Variants in BRD10 observed in about 807,000 individuals in gnomAD.
BRD10 encodes uncharacterized bromodomain-containing protein 10.
the BRD10 span, chr9:5,969,031 A>G: frequency 6.2e-7 from 1 of 1,611,868 alleles, no homozygotes; most frequent in Non-Finnish European, 8.5e-7. Flanking sequence ...AAAACTGAGG[A>G]CACAACCCCA....
At chr9:5,895,937 C>T in the BRD10 span, among the ~76,000 whole-genome samples, 33 of 152,308 alleles carry the variant, frequency 2.2e-4, no homozygotes, top group Admixed American at 1.3e-3. Flanking sequence ...TTCAAGTGGA[C>T]GCCACAGGGT....
chr9:5,933,234 C>T, the BRD10 span, among the ~76,000 whole-genome samples: 1 of 152,150 alleles, frequency 6.6e-6, no homozygotes, highest in South Asian at 2.1e-4. Flanking sequence ...TTAACTGTTT[C>T]CATGTTAGAA....
the BRD10 span, among the ~76,000 whole-genome samples, chr9:5,893,853 C>G: frequency 6.6e-6 from 1 of 152,064 alleles, no homozygotes; most frequent in Admixed American, 6.5e-5. Flanking sequence ...GAAGGAGAGG[C>G]TAGGACCGTT....
the BRD10 span, among the ~76,000 whole-genome samples, chr9:5,905,194 A>C: frequency 6.6e-6 from 1 of 152,204 alleles, no homozygotes; most frequent in African/African-American, 2.4e-5. Context: ...GAGTATCTTA[A>C]AATAATCCTA....
the BRD10 span, among the ~76,000 whole-genome samples, chr9:5,911,396 T>A: frequency 6.8e-6 from 1 of 146,524 alleles, no homozygotes; most frequent in Non-Finnish European, 1.5e-5. Flanking sequence ...GTTTCATTGG[T>A]CTATGTGTGT....
the BRD10 span, chr9:5,969,316 T>C: frequency 3.1e-6 from 5 of 1,613,700 alleles, no homozygotes; most frequent in South Asian, 1.1e-5. Context: ...GCCCAATAGC[T>C]GGAATTTCCC....
At chr9:5,908,945 T>C in the BRD10 span, 4 of 478,618 alleles carry the variant, frequency 8.4e-6, no homozygotes, top group Non-Finnish European at 1.5e-5. Context: ...TGCATGATAC[T>C]ATCTGTGCCA....
the BRD10 span, chr9:5,969,205 C>T: frequency 2.5e-6 from 4 of 1,613,710 alleles, no homozygotes; most frequent in East Asian, 2.2e-5. Flanking sequence ...TCATTATTTT[C>T]GATAGAAAAG....
the BRD10 span, among the ~76,000 whole-genome samples, chr9:5,906,567 G>A: frequency 6.6e-6 from 1 of 152,188 alleles, no homozygotes; most frequent in Non-Finnish European, 1.5e-5. Context: ...AATTTCACAA[G>A]AGTGTTCCTT....
the BRD10 span, chr9:5,897,559 C>G: frequency 1.2e-6 from 2 of 1,613,882 alleles, no homozygotes; most frequent in Non-Finnish European, 8.5e-7. Flanking sequence ...TGGGCCAGGG[C>G]CGCTGGGATC....
At chr9:5,878,978 C>A in the BRD10 span, among the ~76,000 whole-genome samples, 3 of 152,226 alleles carry the variant, frequency 2.0e-5, no homozygotes, top group Non-Finnish European at 2.9e-5. Flanking sequence ...GATGCCAGAG[C>A]TCCTGCCTCT....
At chr9:5,988,187 A>C in the BRD10 span, among the ~76,000 whole-genome samples, 2 of 152,310 alleles carry the variant, frequency 1.3e-5, no homozygotes, top group Non-Finnish European at 2.9e-5. Flanking sequence ...TTAAATTTTA[A>C]AATTACATTT....
the BRD10 span, among the ~76,000 whole-genome samples, chr9:5,969,902 T>C: frequency 6.6e-6 from 1 of 152,304 alleles, no homozygotes; most frequent in South Asian, 2.1e-4. Context: ...TTTTGCTTTT[T>C]TCAGATGAAG....
At chr9:5,922,868 G>A in the BRD10 span, 58 of 1,613,806 alleles carry the variant, frequency 3.6e-5, 1 homozygote, top group Middle Eastern at 3.3e-4. Flanking sequence ...GCTTGCTTCC[G>A]GAGGAGATAA....
At chr9:5,922,346 G>T in the BRD10 span, 4 of 1,613,852 alleles carry the variant, frequency 2.5e-6, no homozygotes, top group African/African-American at 5.3e-5. Flanking sequence ...GAATGTGGCT[G>T]CTGAAACTGC....
the BRD10 span, among the ~76,000 whole-genome samples, chr9:5,950,957 C>T: frequency 6.6e-6 from 1 of 151,230 alleles, no homozygotes; most frequent in Non-Finnish European, 1.5e-5. Context: ...ATGTTTAGTA[C>T]GGACACATTT....
At chr9:5,982,964 TTTTA>T in the BRD10 span, among the ~76,000 whole-genome samples, 1 of 152,226 alleles carries the variant, frequency 6.6e-6, no homozygotes, top group Non-Finnish European at 1.5e-5. Flanking sequence ...GTATTGTTAT[TTTTA>T]TTGTTTTTTT....
At chr9:5,926,199 A>G in the BRD10 span, among the ~76,000 whole-genome samples, 24 of 152,230 alleles carry the variant, frequency 1.6e-4, no homozygotes, top group East Asian at 4.5e-3. Flanking sequence ...TACAGGCGTG[A>G]ATCACTGCGC....
the BRD10 span, among the ~76,000 whole-genome samples, chr9:5,889,490 T>C: frequency 5.3e-5 from 8 of 152,216 alleles, no homozygotes; most frequent in African/African-American, 1.9e-4. Flanking sequence ...TTTTGATTAA[T>C]AAAGATGTGT....
Sources: allele counts gnomAD v4.1 joint callset (sites outside exome capture counted in the v4.1 genomes callset), GRCh38; gene constraint gnomAD v4.1.1; transcripts MANE v1.5; gene names NCBI Gene and HGNC (gene_info 2026-07-23, HGNC 2026-07-21).